Variants in FAAH2 observed in about 807,000 individuals in gnomAD.
FAAH2 encodes fatty acid amide hydrolase 2.
A neutral mutation model predicts 36.9 loss-of-function variants in FAAH2; 60 were observed. That is an observed-to-expected ratio of 1.63 (90% CI 1.32 to 2.02). The LOEUF (loss-of-function observed/expected upper bound fraction) is 2.02, where lower values mean the gene tolerates loss of function less well. Ranked by LOEUF, FAAH2 falls within the 30% of genes most tolerant of loss-of-function variation. FAAH2 has a pLI of 0.00. For synonymous variants in FAAH2, 214 were observed against 143.8 expected (o/e 1.49, Z -3.49); for missense variants, 689 against 397.5 (o/e 1.73, Z -6.23).
chrX:57,284,887 AATG>A (rs1900447826), upstream of FAAH2, among the ~76,000 whole-genome samples: 1 of 112,054 alleles, frequency 8.9e-6, no homozygotes, highest in African/African-American at 3.2e-5. Context: ...TCAAAAACAT[AATG>A]AGTGCTGGAT....
intron 5 of FAAH2, among the ~76,000 whole-genome samples, chrX:57,376,627 G>A (rs1003029041): frequency 2.7e-5 from 3 of 111,858 alleles, no homozygotes; most frequent in African/African-American, 9.8e-5. Flanking sequence ...ATGTGCATGT[G>A]TCTTTATAGT....
the FAAH2 span, among the ~76,000 whole-genome samples, chrX:57,199,951 T>C: frequency 8.9e-6 from 1 of 111,762 alleles, no homozygotes; most frequent in Non-Finnish European, 1.9e-5. Flanking sequence ...ACGTTTTTAA[T>C]TTTTTTATTT....
chrX:57,225,215 C>T, the FAAH2 span, among the ~76,000 whole-genome samples: 1 of 110,677 alleles, frequency 9.0e-6, no homozygotes, highest in Non-Finnish European at 1.9e-5. Context: ...TCTCTAGTTG[C>T]TTGAGGTGTA....
intron 5 of FAAH2, among the ~76,000 whole-genome samples, chrX:57,348,700 A>C (rs981536509): frequency 4.5e-5 from 5 of 111,554 alleles, no homozygotes; most frequent in African/African-American, 1.6e-4. Flanking sequence ...CAAAAATACT[A>C]TACAGAGATT....
intron 8 of FAAH2, among the ~76,000 whole-genome samples, chrX:57,435,833 G>A (rs758456745): frequency 1.8e-5 from 2 of 110,979 alleles, no homozygotes; most frequent in African/African-American, 3.3e-5. Context: ...TGGACTTTAG[G>A]TGCAATAGAC....
chrX:57,303,596 G>A (rs1167787797), intron 2 of FAAH2, among the ~76,000 whole-genome samples: 1 of 111,541 alleles, frequency 9.0e-6, no homozygotes, highest in Non-Finnish European at 1.9e-5. Flanking sequence ...TTTTATAGCT[G>A]GAGAAACAGT....
intron 3 of FAAH2, among the ~76,000 whole-genome samples, chrX:57,314,331 G>A (rs951215828): frequency 9.0e-6 from 1 of 110,864 alleles, no homozygotes; most frequent in Non-Finnish European, 1.9e-5. Context: ...ACAGATCATC[G>A]AGGCAGAAAA....
At chrX:57,380,828 G>C (rs2054825274) in intron 6 of FAAH2, 84 bp from the exon 7 acceptor site, 1 of 558,311 alleles carries the variant, frequency 1.8e-6, no homozygotes, top group African/African-American at 2.4e-5. Context: ...TACTTCATTA[G>C]AGCTGAAGCT....
At chrX:57,482,076 A>G (rs146591147) in intron 10 of FAAH2, among the ~76,000 whole-genome samples, 112 of 111,259 alleles carry the variant, frequency 1.0e-3, no homozygotes, top group African/African-American at 3.7e-3. Flanking sequence ...GTAATGGTGA[A>G]TGCCCCTCCC....
chrX:57,186,271 A>G, the FAAH2 span, among the ~76,000 whole-genome samples: 134 of 111,967 alleles, frequency 1.2e-3, no homozygotes, highest in African/African-American at 4.2e-3. Flanking sequence ...TCTAACTTGC[A>G]TAAGATGGTA....
the FAAH2 span, among the ~76,000 whole-genome samples, chrX:57,205,672 A>C: frequency 2.7e-5 from 3 of 112,157 alleles, no homozygotes; most frequent in Non-Finnish European, 3.8e-5. Context: ...CCATTACTAG[A>C]CCCATCTGTA....
chrX:57,241,639 A>G, the FAAH2 span, among the ~76,000 whole-genome samples: 2 of 111,684 alleles, frequency 1.8e-5, no homozygotes, highest in South Asian at 3.7e-4. Flanking sequence ...CTGGTGCACC[A>G]TCACTAAAGC....
Position 57,331,706 on chromosome X carries a change from C to A in FAAH2, c.521C>A (p.Thr174Asn). 1 of 1,211,064 alleles carries A rather than the reference C, an allele frequency of 8.3e-7. No homozygotes were observed. Among genetic ancestry groups the A allele is most frequent in the Non-Finnish European group, 1.1e-6 (1 of 895,096 alleles). Reference protein sequence around the residue: ...KGAGAIPLGITNCSELCMWYE... With the variant: ...KGAGAIPLGINNCSELCMWYE... Reference sequence around the variant, plus strand: ...GCTGGTGCCATTCCTCTTGGCATAACCAACTGTAGTGAGTTGTGTATGTGG... The same window carrying A: ...GCTGGTGCCATTCCTCTTGGCATAAACAACTGTAGTGAGTTGTGTATGTGG... The change falls in exon 4 of 11, where the codon ACC becomes AAC. Residue 174 changes from threonine to asparagine, a missense_variant. Thr to Asn is a moderately conservative substitution (Grantham distance 65). Transcript: ENST00000374900.
At chrX:57,367,435 A>T (rs1328774887) in intron 5 of FAAH2, among the ~76,000 whole-genome samples, 1 of 112,552 alleles carries the variant, frequency 8.9e-6, no homozygotes, top group Non-Finnish European at 1.9e-5. Context: ...TGTTAGTAAA[A>T]ATATAAATAA....
the FAAH2 span, among the ~76,000 whole-genome samples, chrX:57,249,794 C>T: frequency 2.7e-5 from 3 of 111,881 alleles, no homozygotes; most frequent in Non-Finnish European, 5.6e-5. Context: ...TATTTAAAAT[C>T]CATTTTAATT....
chrX:57,378,773 C>G lies in FAAH2; in HGVS notation c.865C>G (p.Pro289Ala), dbSNP rs1297148832. 8.3e-7 allele frequency: 1 copy of G among 1,208,436 alleles called. No homozygotes were observed. Among genetic ancestry groups the G allele is most frequent in the Admixed American group, 2.2e-5 (1 of 45,568 alleles). The part of the protein sequence containing the change: ...LAPMLKVMAG[P>A]GIKRLKLDTK... ...CCCCATGTTGAAGGTCATGGCAGGA[C>G]CTGGGATCAAAAGGTATGTTCATTT... Residue 289 changes from proline to alanine, a missense_variant, in exon 6 of 11, where the codon CCT becomes GCT. Pro to Ala is a conservative substitution (Grantham distance 27, BLOSUM62 -1). Coordinates refer to ENST00000374900, the MANE Select transcript of FAAH2 (RefSeq NM_174912.4).
intron 8 of FAAH2, among the ~76,000 whole-genome samples, chrX:57,441,152 A>G (rs2056544305): frequency 9.0e-6 from 1 of 111,505 alleles, no homozygotes; most frequent in African/African-American, 3.3e-5. Flanking sequence ...CTCTTTTTCT[A>G]TTGATTGGAA....
the FAAH2 span, among the ~76,000 whole-genome samples, chrX:57,241,114 A>T: frequency 8.9e-6 from 1 of 111,969 alleles, no homozygotes; most frequent in Non-Finnish European, 1.9e-5. Context: ...TGCTAGCTCA[A>T]ATGCCTGTTA....
chrX:57,422,626 G>T (rs2056065626), intron 7 of FAAH2, among the ~76,000 whole-genome samples: 2 of 111,780 alleles, frequency 1.8e-5, no homozygotes, highest in South Asian at 7.5e-4. Flanking sequence ...TCTTCTGCCT[G>T]TCCACTGAGC....
Sources: gnomAD v4.1 joint callset for allele counts (sites outside exome capture counted in the v4.1 genomes callset) on GRCh38, gnomAD v4.1.1 for gene constraint, MANE v1.5 for transcripts, NCBI Gene and HGNC (gene_info 2026-07-23, HGNC 2026-07-21) for gene names.